The following RPRD1B variants were observed in gnomAD, a reference collection of about 807,000 sequenced individuals.
RPRD1B encodes the protein regulation of nuclear pre-mRNA domain containing 1B.
A neutral mutation model predicts 41.5 loss-of-function variants in RPRD1B; 11 were observed. That is an observed-to-expected ratio of 0.27 (90% CI 0.17 to 0.44). The LOEUF (loss-of-function observed/expected upper bound fraction) is 0.44. Ranked by LOEUF, RPRD1B falls within the 20% of genes least tolerant of loss-of-function variation. The pLI, the probability that RPRD1B is intolerant of heterozygous loss-of-function variation, is 1.00. For synonymous variants in RPRD1B, 158 were observed against 155.6 expected, an observed-to-expected ratio of 1.02 and a Z score of -0.12; for missense variants, 248 against 389.9, an observed-to-expected ratio of 0.64 and a Z score of 3.06.
At chr20:38,040,944 A>ATTTTT (rs1418172851) in intron 2 of RPRD1B, among the ~76,000 whole-genome samples, 290 of 152,330 alleles carry the variant, frequency 1.9e-3, no homozygotes, top group African/African-American at 6.4e-3. Flanking sequence ...TTAATTGCCA[A>ATTTTT]ATGCCTTCCT....
At chr20:38,061,926 C>G (rs1038131912) in intron 5 of RPRD1B, among the ~76,000 whole-genome samples, 8 of 152,056 alleles carry the variant, frequency 5.3e-5, no homozygotes, top group Non-Finnish European at 7.4e-5. Context: ...TCTTATATGG[C>G]CAAGGGACTT....
At chr20:38,035,763 T>A (rs991004323) in intron 1 of RPRD1B, among the ~76,000 whole-genome samples, 4 of 136,612 alleles carry the variant, frequency 2.9e-5, no homozygotes, top group African/African-American at 6.7e-5. Flanking sequence ...GGTGTCATTT[T>A]TTTTGTTTTT....
chr20:38,090,882 C>T lies in RPRD1B; in HGVS notation c.*1007C>T, dbSNP rs528506130. 1 of 985,318 alleles carries T rather than the reference C, an allele frequency of 1.0e-6. No individual in the cohort carries two copies. The highest frequency in any genetic ancestry group is 1.1e-4 in the East Asian group (1 of 8,802). The allele number at this position is 985,318 out of a possible 1,614,324, so 61.0% of individuals were successfully genotyped here. On this transcript the variant is annotated 3_prime_UTR_variant, in exon 7 of 7. Transcript: ENST00000373433. ...ACATCACTGCAAATAGGACGCTGAG[C>T]AGGTCCGTCTGTCATGTCACGCCAC...
At chr20:38,047,239 A>C (rs2074129912) in intron 2 of RPRD1B, among the ~76,000 whole-genome samples, 1 of 152,148 alleles carries the variant, frequency 6.6e-6, no homozygotes, top group Non-Finnish European at 1.5e-5. Flanking sequence ...ACAAAAAAAG[A>C]ATTAATTTTT....
intron 1 of RPRD1B, among the ~76,000 whole-genome samples, chr20:38,038,480 T>TG: frequency 7.5e-6 from 1 of 132,636 alleles, no homozygotes; most frequent in South Asian, 2.5e-4. Context: ...CGGCTGATTT[T>TG]TTTTGTTTTG....
At chr20:38,076,206 A>C (rs2074458274) in intron 6 of RPRD1B, among the ~76,000 whole-genome samples, 1 of 152,176 alleles carries the variant, frequency 6.6e-6, no homozygotes, top group South Asian at 2.1e-4. Context: ...TGGTGCAGTG[A>C]TGATGATCTG....
chr20:38,091,613 T>A lies in RPRD1B; in HGVS notation c.*1738T>A. ...CAAGATAAATTGTAATCTTTGCTGC[T>A]GCTGCACTCCCCAACCTCTCCCCCA... On this transcript the variant is annotated 3_prime_UTR_variant, in exon 7 of 7. Coordinates refer to ENST00000373433, the MANE Select transcript of RPRD1B (RefSeq NM_021215.4). The A allele has an allele frequency of 2.0e-6, 2 of 985,670 alleles. No individual in the cohort carries two copies. Among genetic ancestry groups the A allele is most frequent in the Non-Finnish European group, 2.4e-6 (2 of 830,116 alleles). The allele number at this position is 985,670 out of a possible 1,614,324, so 61.1% of individuals were successfully genotyped here.
At chr20:38,089,683 C>CACGCACAGACTTA (rs1365559236) in intron 6 of RPRD1B, 43 bp from the exon 7 acceptor site, 1 of 1,550,624 alleles carries the variant, frequency 6.4e-7, no homozygotes, top group Admixed American at 1.7e-5. Context: ...ATGCCCTCGG[C>CACGCACAGACTTA]ACGCACAGAC....
At chr20:38,039,241 A>G (rs946848532) in intron 1 of RPRD1B, among the ~76,000 whole-genome samples, 1 of 152,178 alleles carries the variant, frequency 6.6e-6, no homozygotes, top group African/African-American at 2.4e-5. Context: ...AATTTTGCAT[A>G]TCTAGATTTC....
At chr20:38,087,641 C>G (rs931933238) in intron 6 of RPRD1B, among the ~76,000 whole-genome samples, 2 of 152,144 alleles carry the variant, frequency 1.3e-5, no homozygotes, top group Non-Finnish European at 1.5e-5. Flanking sequence ...TAGATGAATC[C>G]GTGTCCAGAA....
intron 3 of RPRD1B, among the ~76,000 whole-genome samples, chr20:38,051,356 A>G (rs1268125720): frequency 6.6e-6 from 1 of 152,254 alleles, no homozygotes; most frequent in African/African-American, 2.4e-5. Context: ...CTCATGTAGT[A>G]TACGGTTGTA....
At chr20:38,051,821 G>A (rs1042731593) in intron 3 of RPRD1B, among the ~76,000 whole-genome samples, 4 of 151,970 alleles carry the variant, frequency 2.6e-5, no homozygotes, top group African/African-American at 4.8e-5. Flanking sequence ...GCGGGACCTC[G>A]GCTCACCGCA....
chr20:38,045,006 C>CCCT (rs961953975), intron 2 of RPRD1B, among the ~76,000 whole-genome samples: 142 of 152,302 alleles, frequency 9.3e-4, no homozygotes, highest in Non-Finnish European at 6.8e-4. Context: ...CCAAGGCTGG[C>CCCT]TTTGCAGGGA....
At chr20:38,086,931 G>T (rs577970551) in intron 6 of RPRD1B, among the ~76,000 whole-genome samples, 7 of 152,144 alleles carry the variant, frequency 4.6e-5, no homozygotes, top group Admixed American at 4.6e-4. Flanking sequence ...AACAACTGTT[G>T]TTTGGTTTTT....
intron 6 of RPRD1B, among the ~76,000 whole-genome samples, chr20:38,077,878 C>T (rs1320343566): frequency 3.3e-5 from 5 of 152,012 alleles, no homozygotes; most frequent in Admixed American, 6.6e-5. Context: ...CCTAGTTCTT[C>T]GAATATGGGC....
In RPRD1B at chr20:38,070,810, A is replaced by G. The variant is rs947505155; in HGVS notation, c.831+4554A>G. On this transcript the variant is annotated intron_variant, in intron 6 of 6. Coordinates refer to ENST00000373433, the MANE Select transcript of RPRD1B (RefSeq NM_021215.4). Reference sequence around the variant, plus strand: ...GGCTAGAGTGCAGTAGAGCAATCTGAGCTCACTGCCTCCCGGGTTCAAGCG... The same window carrying G: ...GGCTAGAGTGCAGTAGAGCAATCTGGGCTCACTGCCTCCCGGGTTCAAGCG... 11 of 820,806 alleles carry G rather than the reference A, an allele frequency of 1.3e-5. 1 individual carries two copies. The highest frequency in any genetic ancestry group is 1.3e-5 in the Non-Finnish European group (9 of 685,808). 50.8% of individuals were successfully genotyped at this position (820,806 alleles called of 1,614,324 possible).
intron 3 of RPRD1B, 111 bp downstream of exon 3, chr20:38,048,592 C>A: frequency 6.8e-7 from 1 of 1,478,046 alleles, no homozygotes; most frequent in Non-Finnish European, 9.0e-7. Flanking sequence ...TATGATTCTT[C>A]AGAGAGACAG....
At chr20:38,055,417 T>C (rs916967257) in intron 3 of RPRD1B, among the ~76,000 whole-genome samples, 3 of 152,200 alleles carry the variant, frequency 2.0e-5, no homozygotes, top group African/African-American at 7.2e-5. Flanking sequence ...GCTTTCAGTA[T>C]TGTAAAATAC....
At chr20:38,081,729 G>A (rs932012499) in intron 6 of RPRD1B, among the ~76,000 whole-genome samples, 5 of 152,130 alleles carry the variant, frequency 3.3e-5, no homozygotes, top group Admixed American at 6.6e-5. Context: ...ATGTTCCTTC[G>A]ATGCCTAGTT....
Sources: gnomAD v4.1 joint callset for allele counts (sites outside exome capture counted in the v4.1 genomes callset) on GRCh38, gnomAD v4.1.1 for gene constraint, MANE v1.5 for transcripts, NCBI Gene and HGNC (gene_info 2026-07-23, HGNC 2026-07-21) for gene names.